PITPNB: variants seen among roughly 807,000 people sequenced by gnomAD.
PITPNB encodes the protein phosphatidylinositol transfer protein beta, also known as phosphatidylinositol transfer protein beta isoform.
PITPNB carries 16 observed loss-of-function variants against 45.9 expected under a neutral mutation model. The observed-to-expected ratio is 0.35, with a 90% CI of 0.24 to 0.53. The LOEUF (loss-of-function observed/expected upper bound fraction) is 0.53, where lower values mean the gene tolerates loss of function less well. Ranked by LOEUF, PITPNB falls within the 20% of genes least tolerant of loss-of-function variation. PITPNB has a pLI of 0.93. For synonymous variants in PITPNB, 112 were observed against 108.9 expected (o/e 1.03, Z -0.18); for missense variants, 188 against 330.5 (o/e 0.57, Z 3.34).
rs778022753 is a variant in PITPNB at position 27,919,203 on chromosome 22, C to G, written c.-12G>C. ...TTGATCAGCACCATCTTCCCGGAACCCCCTCACAGCTGCCGCCGATACCAC... is the reference window on the plus strand; with the variant it reads ...TTGATCAGCACCATCTTCCCGGAACGCCCTCACAGCTGCCGCCGATACCAC... On this transcript the variant is annotated 5_prime_UTR_variant, in exon 1 of 12. Transcript: ENST00000335272. 1 of 1,612,198 alleles carries G rather than the reference C, an allele frequency of 6.2e-7. No individual in the cohort carries two copies. Among genetic ancestry groups the G allele is most frequent in the Non-Finnish European group, 8.5e-7 (1 of 1,178,682 alleles).
chr22:27,876,254 G>A (rs1978801832), intron 7 of PITPNB, among the ~76,000 whole-genome samples: 1 of 152,154 alleles, frequency 6.6e-6, no homozygotes, highest in Non-Finnish European at 1.5e-5. Flanking sequence ...ATACCAAGAA[G>A]CCGCAGCACT....
intron 8 of PITPNB, among the ~76,000 whole-genome samples, chr22:27,869,992 C>A (rs1384952201): frequency 6.6e-6 from 1 of 152,144 alleles, no homozygotes; most frequent in East Asian, 1.9e-4. Context: ...CTGGCAAATA[C>A]CATGAATAGG....
intron 7 of PITPNB, 35 bp from the exon 8 acceptor site, chr22:27,873,850 A>C: frequency 7.3e-7 from 1 of 1,379,244 alleles, no homozygotes; most frequent in Non-Finnish European, 1.0e-6. Flanking sequence ...GCAGAGAAGA[A>C]AACCAGAGAA....
intron 8 of PITPNB, among the ~76,000 whole-genome samples, chr22:27,861,852 C>T (rs1023833751): frequency 6.6e-6 from 1 of 152,212 alleles, no homozygotes; most frequent in Admixed American, 6.5e-5. Flanking sequence ...GGGCTTAATA[C>T]ACATTAGTTC....
intron 8 of PITPNB, among the ~76,000 whole-genome samples, chr22:27,867,959 T>C (rs1320969123): frequency 6.6e-6 from 1 of 152,178 alleles, no homozygotes; most frequent in Non-Finnish European, 1.5e-5. Flanking sequence ...TATATATTTA[T>C]TTTAAAAATC....
chr22:27,896,963 C>T (rs1206892160), intron 5 of PITPNB, 167 bp downstream of exon 5: 2 of 670,370 alleles, frequency 3.0e-6, no homozygotes, highest in Non-Finnish European at 5.4e-6. Context: ...GTGGAAAGGG[C>T]CCATGAACAC....
intron 6 of PITPNB, among the ~76,000 whole-genome samples, chr22:27,895,484 G>A (rs1935405829): frequency 6.6e-6 from 1 of 151,634 alleles, no homozygotes; most frequent in Admixed American, 6.6e-5. Flanking sequence ...CAGCTACTTG[G>A]GAGGCTGAGG....
intron 3 of PITPNB, among the ~76,000 whole-genome samples, chr22:27,903,453 G>C (rs548810417): frequency 7.3e-6 from 1 of 136,970 alleles, no homozygotes; most frequent in Non-Finnish European, 1.5e-5. Flanking sequence ...TGGGCAACAA[G>C]AGTGAAACTG....
intron 1 of PITPNB, among the ~76,000 whole-genome samples, chr22:27,918,813 T>C (rs1334626779): frequency 1.3e-5 from 2 of 152,042 alleles, no homozygotes; most frequent in Non-Finnish European, 1.5e-5. Flanking sequence ...GGACTGCGGC[T>C]CCTTCCCACC....
At chr22:27,879,843 T>C (rs1395832495) in intron 7 of PITPNB, among the ~76,000 whole-genome samples, 6 of 152,104 alleles carry the variant, frequency 3.9e-5, no homozygotes, top group African/African-American at 1.4e-4. Context: ...AAATTCAGAG[T>C]GAGCCCTCTC....
rs1934129574 is a variant in PITPNB, at chr22:27,854,944, A to T, written c.769-5T>A. ...AACGGAACCCCTCTTACGCATCTAA[A>T]CGTAAAATAAAATTGTGAGCTGCTG... On this transcript the variant is annotated splice_region_variant and splice_polypyrimidine_tract_variant and intron_variant, in intron 10 of 11. Coordinates refer to ENST00000335272, the MANE Select transcript of PITPNB (RefSeq NM_012399.5). 2 of 1,610,374 alleles carry T rather than the reference A, an allele frequency of 1.2e-6. No homozygotes were observed. The highest frequency in any genetic ancestry group is 1.3e-5 in the African/African-American group (1 of 74,846).
At chr22:27,899,267 A>T (rs531298125) in intron 3 of PITPNB, among the ~76,000 whole-genome samples, 1 of 152,344 alleles carries the variant, frequency 6.6e-6, no homozygotes, top group East Asian at 1.9e-4. Context: ...CTTCATTTAA[A>T]TCTTCCTTAA....
At chr22:27,918,689 G>A (rs941976536) in intron 1 of PITPNB, among the ~76,000 whole-genome samples, 1 of 152,056 alleles carries the variant, frequency 6.6e-6, no homozygotes, top group African/African-American at 2.4e-5. Flanking sequence ...GTCCCACCGC[G>A]AGTCCTGACA....
intron 7 of PITPNB, among the ~76,000 whole-genome samples, chr22:27,877,582 A>G (rs1055790125): frequency 6.6e-6 from 1 of 152,248 alleles, no homozygotes; most frequent in Non-Finnish European, 1.5e-5. Flanking sequence ...ACAGATCTCA[A>G]CAGAAACTCT....
At position 27,896,844 on chromosome 22, in the gene PITPNB, C is replaced by T. The variant is rs1008238575; in HGVS notation, c.298-218G>A. On this transcript the variant is annotated intron_variant, in intron 5 of 11. Transcript: ENST00000335272. ...ATAATTTAAACAATTCTACTTGCCA[C>T]GTGGCATATCGGGCTAATAAAGAAG... 1.3e-4 allele frequency: 78 copies of T among 602,584 alleles called. No homozygotes were observed. The Admixed American group carries it at 1.7e-3, about 13-fold the overall frequency. 37.3% of individuals were successfully genotyped at this position (602,584 alleles called of 1,614,324 possible).
rs1235232550 is a variant in PITPNB at position 27,854,859 on chromosome 22, T to A, written c.*33A>T. On this transcript the variant is annotated 3_prime_UTR_variant, in exon 11 of 12. Transcript: ENST00000335272. ...TTACCCAGGTCTTCACTTACACAGT[T>A]TGACATTGTCTCTGACCCTACAGGG... The A allele has an allele frequency of 6.2e-7, 1 of 1,605,750 alleles. No individual in the cohort carries two copies. The highest frequency in any genetic ancestry group is 1.3e-5 in the African/African-American group (1 of 74,768).
intron 8 of PITPNB, 116 bp from the exon 9 acceptor site, chr22:27,860,357 T>A: frequency 1.6e-6 from 1 of 618,464 alleles, no homozygotes; most frequent in Non-Finnish European, 2.8e-6. Context: ...CAATCTCATG[T>A]GTTTAATTCA....
chr22:27,890,547 G>A (rs532337262), intron 7 of PITPNB, among the ~76,000 whole-genome samples: 18 of 152,162 alleles, frequency 1.2e-4, no homozygotes, highest in Non-Finnish European at 2.2e-4. Flanking sequence ...GGGCGCGGTG[G>A]CTCATGCCTG....
intron 1 of PITPNB, among the ~76,000 whole-genome samples, chr22:27,918,072 T>C (rs1936136704): frequency 6.6e-6 from 1 of 152,044 alleles, no homozygotes. Context: ...GAAGATGGAA[T>C]GGGCAAGGAA....
Sources: allele counts gnomAD v4.1 joint callset (sites outside exome capture counted in the v4.1 genomes callset), GRCh38; gene constraint gnomAD v4.1.1; transcripts MANE v1.5; gene names NCBI Gene and HGNC (gene_info 2026-07-23, HGNC 2026-07-21).